Variants in DRC11 observed in about 807,000 individuals in gnomAD.
The protein encoded by DRC11 is dynein regulatory complex subunit 11.
At chr2:236,370,424 G>A in the DRC11 span, among the ~76,000 whole-genome samples, 2 of 152,190 alleles carry the variant, frequency 1.3e-5, no homozygotes, top group African/African-American at 2.4e-5. The surrounding 1 kb of genome is among the most constrained non-coding windows in gnomAD (Gnocchi z 5.5). Context: ...TCAGAAAGAC[G>A]AGAGGAAGGA....
At chr2:236,312,544 C>A in the DRC11 span, among the ~76,000 whole-genome samples, 1 of 151,892 alleles carries the variant, frequency 6.6e-6, no homozygotes, top group Non-Finnish European at 1.5e-5. Flanking sequence ...AATCTTAGTA[C>A]CCAACAGGAG....
At chr2:236,445,499 CTTT>C in the DRC11 span, among the ~76,000 whole-genome samples, 3 of 144,424 alleles carry the variant, frequency 2.1e-5, no homozygotes, top group East Asian at 6.1e-4. This position sits in a 1 kb window ranked among gnomAD's most constrained non-coding sequence, Gnocchi z 4.8. Flanking sequence ...TGCTTGACTA[CTTT>C]TTTTTTTTTG....
At chr2:236,362,438 C>G in the DRC11 span, among the ~76,000 whole-genome samples, 2 of 152,176 alleles carry the variant, frequency 1.3e-5, no homozygotes, top group Non-Finnish European at 2.9e-5. The surrounding 1 kb of genome is among the most constrained non-coding windows in gnomAD (Gnocchi z 5.7). Flanking sequence ...TCCACTTCCA[C>G]TTAATGAATA....
the DRC11 span, among the ~76,000 whole-genome samples, chr2:236,369,778 C>T: frequency 6.6e-6 from 1 of 152,340 alleles, no homozygotes; most frequent in African/African-American, 2.4e-5. This position sits in a 1 kb window ranked among gnomAD's most constrained non-coding sequence, Gnocchi z 4.5. Flanking sequence ...CACACAGAAG[C>T]CATGCCCCTT....
the DRC11 span, among the ~76,000 whole-genome samples, chr2:236,370,588 G>T: frequency 6.6e-6 from 1 of 152,180 alleles, no homozygotes; most frequent in Non-Finnish European, 1.5e-5. This position sits in a 1 kb window ranked among gnomAD's most constrained non-coding sequence, Gnocchi z 5.5. Flanking sequence ...TGGGGGCCTT[G>T]AGGATACCTA....
the DRC11 span, among the ~76,000 whole-genome samples, chr2:236,337,252 G>C: frequency 6.6e-6 from 1 of 152,078 alleles, no homozygotes; most frequent in Non-Finnish European, 1.5e-5. The surrounding 1 kb of genome is among the most constrained non-coding windows in gnomAD (Gnocchi z 4.9). Context: ...GTGGAATAAC[G>C]TGCTGTTTGA....
the DRC11 span, among the ~76,000 whole-genome samples, chr2:236,366,056 C>T: frequency 6.6e-6 from 1 of 152,182 alleles, no homozygotes; most frequent in East Asian, 1.9e-4. Flanking sequence ...TGGACCACGT[C>T]CACCTGGAGG....
the DRC11 span, among the ~76,000 whole-genome samples, chr2:236,459,570 TGTATAC>T: frequency 3.9e-4 from 56 of 144,618 alleles, no homozygotes; most frequent in African/African-American, 6.6e-4. Flanking sequence ...CGTATATATG[TGTATAC>T]ATACGTATAT....
chr2:236,359,166 G>A, the DRC11 span, among the ~76,000 whole-genome samples: 1 of 151,536 alleles, frequency 6.6e-6, no homozygotes, highest in African/African-American at 2.4e-5. This position sits in a 1 kb window ranked among gnomAD's most constrained non-coding sequence, Gnocchi z 4.3. Context: ...TGCCCCTGGA[G>A]GTTTTTAGGT....
At chr2:236,466,161 G>A in the DRC11 span, among the ~76,000 whole-genome samples, 1 of 151,756 alleles carries the variant, frequency 6.6e-6, no homozygotes, top group South Asian at 2.1e-4. Flanking sequence ...TCATGCAGTG[G>A]TTTAAAAATT....
chr2:236,392,107 T>C, the DRC11 span: 2 of 1,590,934 alleles, frequency 1.3e-6, no homozygotes, highest in South Asian at 1.1e-5. The surrounding 1 kb of genome is among the most constrained non-coding windows in gnomAD (Gnocchi z 5.1). Context: ...TTTAAGTCAC[T>C]TTGCATGTCT....
chr2:236,429,968 G>T, the DRC11 span, among the ~76,000 whole-genome samples: 5 of 152,094 alleles, frequency 3.3e-5, no homozygotes, highest in Admixed American at 6.5e-5. This position sits in a 1 kb window ranked among gnomAD's most constrained non-coding sequence, Gnocchi z 5.9. Flanking sequence ...ACCCTGAGGG[G>T]TCCTCTGTGG....
At chr2:236,485,254 G>A in the DRC11 span, among the ~76,000 whole-genome samples, 2 of 151,006 alleles carry the variant, frequency 1.3e-5, no homozygotes, top group African/African-American at 2.4e-5. Flanking sequence ...ATATATGTAT[G>A]TATATATATA....
At chr2:236,415,648 C>T in the DRC11 span, among the ~76,000 whole-genome samples, 1 of 152,164 alleles carries the variant, frequency 6.6e-6, no homozygotes, top group African/African-American at 2.4e-5. This position sits in a 1 kb window ranked among gnomAD's most constrained non-coding sequence, Gnocchi z 5.7. Context: ...GGCGTTTCCC[C>T]TTCATTTGCA....
the DRC11 span, among the ~76,000 whole-genome samples, chr2:236,357,154 G>GTATTCATATATATCTGTATATTATA: frequency 0.16 from 11,756 of 71,852 alleles, 1,328 homozygotes; most frequent in Non-Finnish European, 0.18. Context: ...TATATATTAT[G>GTATTCATATATATCTGTATATTATA]TATTCATATA....
the DRC11 span, among the ~76,000 whole-genome samples, chr2:236,503,357 T>C: frequency 6.6e-6 from 1 of 152,154 alleles, no homozygotes; most frequent in Non-Finnish European, 1.5e-5. The surrounding 1 kb of genome is among the most constrained non-coding windows in gnomAD (Gnocchi z 4.9). Flanking sequence ...GGCAGAACCA[T>C]CCAGGGGAGC....
the DRC11 span, among the ~76,000 whole-genome samples, chr2:236,420,254 T>G: frequency 6.6e-6 from 1 of 152,166 alleles, no homozygotes. This position sits in a 1 kb window ranked among gnomAD's most constrained non-coding sequence, Gnocchi z 4.8. Context: ...AGCTAGTGAG[T>G]AGCTGAGCTG....
chr2:236,357,815 TATAA>T, the DRC11 span, among the ~76,000 whole-genome samples: 12 of 126,466 alleles, frequency 9.5e-5, no homozygotes, highest in Non-Finnish European at 1.5e-4. Flanking sequence ...ATATAGAATA[TATAA>T]ATATACATAT....
the DRC11 span, among the ~76,000 whole-genome samples, chr2:236,355,537 A>G: frequency 6.6e-6 from 1 of 152,132 alleles, no homozygotes; most frequent in Admixed American, 6.5e-5. Context: ...CACCGTGTCC[A>G]TACCCGAGGC....
Sources: allele counts gnomAD v4.1 joint callset (sites outside exome capture counted in the v4.1 genomes callset), GRCh38; gene constraint gnomAD v4.1.1; non-coding constraint Gnocchi (gnomAD v3.1); transcripts MANE v1.5; gene names NCBI Gene and HGNC (gene_info 2026-07-23, HGNC 2026-07-21).